The following UQCC1 variants were observed in gnomAD, a reference collection of about 807,000 sequenced individuals.
The protein encoded by UQCC1 is bFGF-repressed Zic-binding protein.
UQCC1 carries 38 observed loss-of-function variants against 48.0 expected under a neutral mutation model. That is an observed-to-expected ratio of 0.79 (90% confidence interval 0.61 to 1.04). UQCC1 has a LOEUF of 1.04. Among genes scored for constraint, UQCC1 ranks in the 50% least tolerant of loss-of-function variants. The pLI, the probability that UQCC1 is intolerant of heterozygous loss-of-function variation, is 0.00. For synonymous variants in UQCC1, 111 were observed against 129.2 expected, an observed-to-expected ratio of 0.86 and a Z score of 0.95; for missense variants, 368 against 381.8, an observed-to-expected ratio of 0.96 and a Z score of 0.30.
At chr20:35,353,301 G>A (rs2061510685) in intron 6 of UQCC1, among the ~76,000 whole-genome samples, 1 of 151,352 alleles carries the variant, frequency 6.6e-6, no homozygotes, top group South Asian at 2.1e-4. Flanking sequence ...GGAGGCTGAG[G>A]CAGGAGAATC....
At chr20:35,350,903 G>A (rs1015846175) in intron 6 of UQCC1, among the ~76,000 whole-genome samples, 1 of 151,770 alleles carries the variant, frequency 6.6e-6, no homozygotes, top group African/African-American at 2.4e-5. Flanking sequence ...TTAACCGGGC[G>A]TGGTGGTACA....
At chr20:35,397,101 G>C (rs2146522456) in intron 1 of UQCC1, among the ~76,000 whole-genome samples, 1 of 151,814 alleles carries the variant, frequency 6.6e-6, no homozygotes, top group African/African-American at 2.4e-5. Context: ...TGGAGGCTGA[G>C]GCACGAGAAT....
chr20:35,351,061 A>C (rs1431792310), intron 6 of UQCC1, among the ~76,000 whole-genome samples: 1 of 151,068 alleles, frequency 6.6e-6, no homozygotes, highest in Non-Finnish European at 1.5e-5. Flanking sequence ...AAAACAAAAA[A>C]CCTGTAACCT....
chr20:35,318,271 G>C (rs183269313), intron 7 of UQCC1, among the ~76,000 whole-genome samples: 1 of 152,316 alleles, frequency 6.6e-6, no homozygotes, highest in African/African-American at 2.4e-5. Flanking sequence ...CTGAAACCCA[G>C]AAAGAAGAGA....
At chr20:35,308,790 A>G (rs147572088) in intron 8 of UQCC1, among the ~76,000 whole-genome samples, 279 of 152,294 alleles carry the variant, frequency 1.8e-3, no homozygotes, top group African/African-American at 6.0e-3. Context: ...TCTTGGCTCA[A>G]TGCAACCTCT....
intron 3 of UQCC1, 22 bp downstream of exon 3, chr20:35,384,016 A>G: frequency 6.2e-7 from 1 of 1,600,998 alleles, no homozygotes; most frequent in Non-Finnish European, 8.6e-7. Flanking sequence ...CTATAAACAC[A>G]GAATGCACTG....
At chr20:35,397,513 CAAA>C (rs376172666) in intron 1 of UQCC1, among the ~76,000 whole-genome samples, 1 of 61,004 alleles carries the variant, frequency 1.6e-5, no homozygotes, top group Non-Finnish European at 3.4e-5. Context: ...GAGACTGTCT[CAAA>C]AAAAAAAAAA....
chr20:35,308,554 A>C (rs1450633382), intron 8 of UQCC1, among the ~76,000 whole-genome samples: 1 of 152,242 alleles, frequency 6.6e-6, no homozygotes, highest in East Asian at 1.9e-4. Flanking sequence ...CAAATTCATA[A>C]TCAGGAATTC....
chr20:35,315,301 T>C (rs1397037708), intron 7 of UQCC1: 1 of 152,902 alleles, frequency 6.5e-6, no homozygotes, highest in Non-Finnish European at 1.5e-5. Flanking sequence ...CAGAGCAAGG[T>C]GTGCAAAGGT....
chr20:35,408,186 C>T (rs896388636), intron 1 of UQCC1, among the ~76,000 whole-genome samples: 3 of 151,778 alleles, frequency 2.0e-5, no homozygotes, highest in Admixed American at 6.6e-5. Flanking sequence ...CCTAACACTT[C>T]GAGAGGCTGA....
Position 35,306,656 on chromosome 20 carries a change from G to C in UQCC1, c.765+10C>G, listed in dbSNP as rs779254079. 5.6e-6 allele frequency: 9 copies of C among 1,606,138 alleles called. No individual in the cohort carries two copies. The highest frequency in any genetic ancestry group is 1.7e-5 in the Admixed American group (1 of 59,958). ...CCAGGACTTGGGAGGGGAGGGAAAG[G>C]GTCACTCACCTGTTTCCTCACATAC... is the stretch of plus-strand genomic sequence containing the variant. On this transcript the variant is annotated intron_variant, in intron 9 of 9. Transcript: ENST00000374385.
intron 2 of UQCC1, among the ~76,000 whole-genome samples, chr20:35,385,844 CTT>C (rs111277050): frequency 1.6e-4 from 22 of 137,494 alleles, no homozygotes; most frequent in Non-Finnish European, 2.1e-4. Context: ...TTTAAATAGA[CTT>C]TTTTTTTTTT....
intron 7 of UQCC1, among the ~76,000 whole-genome samples, chr20:35,341,250 AG>A (rs1489911309): frequency 1.3e-5 from 2 of 151,930 alleles, no homozygotes; most frequent in East Asian, 1.9e-4. Context: ...AAAGAAAGAA[AG>A]AAAGAAAATA....
At chr20:35,309,091 A>G in intron 8 of UQCC1, 2 of 454,164 alleles carry the variant, frequency 4.4e-6, no homozygotes, top group South Asian at 3.1e-5. Flanking sequence ...ACCAGCATGC[A>G]TTGATGAGGT....
chr20:35,396,526 C>G (rs767777036), intron 1 of UQCC1, among the ~76,000 whole-genome samples: 8 of 152,004 alleles, frequency 5.3e-5, no homozygotes, highest in Non-Finnish European at 1.0e-4. Context: ...CATAGAATCC[C>G]TTTATAGTAA....
Position 35,348,490 on chromosome 20 carries a change from T to C in UQCC1, c.465-1218A>G, listed in dbSNP as rs188132075. 4.6e-3 allele frequency among the ~76,000 whole-genome samples: 699 copies of C among 152,028 alleles called. 2 individuals carry two copies. Among genetic ancestry groups the C allele is most frequent in the Middle Eastern group, 0.014 (4 of 294 alleles). On this transcript the variant is annotated intron_variant, in intron 6 of 9. Transcript: ENST00000374385. The stretch of plus-strand genomic sequence containing the variant: ...CTACAAGCTCTGCCTCCCGGGTTCT[T>C]GCCATTCTCCTGCTTCAGCCTCCCA...
chr20:35,377,628 C>A (rs2061817647), intron 4 of UQCC1, among the ~76,000 whole-genome samples: 1 of 152,160 alleles, frequency 6.6e-6, no homozygotes. Context: ...CCCAGTTCAG[C>A]TACAGACAAG....
chr20:35,327,109 A>C (rs2061203629), intron 7 of UQCC1, among the ~76,000 whole-genome samples: 1 of 152,160 alleles, frequency 6.6e-6, no homozygotes. Context: ...ACTGATCTTG[A>C]GGTTCCTGAC....
At chr20:35,373,354 G>A (rs2061756125) in intron 5 of UQCC1, among the ~76,000 whole-genome samples, 2 of 152,216 alleles carry the variant, frequency 1.3e-5, no homozygotes, top group Middle Eastern at 3.4e-3. Flanking sequence ...GGAATAGCTG[G>A]CCAAACGTCC....
Sources: gnomAD v4.1 joint callset for allele counts (sites outside exome capture counted in the v4.1 genomes callset) on GRCh38, gnomAD v4.1.1 for gene constraint, MANE v1.5 for transcripts, NCBI Gene and HGNC (gene_info 2026-07-23, HGNC 2026-07-21) for gene names.